CLCN5: variants seen among roughly 807,000 people sequenced by gnomAD.
The protein encoded by CLCN5 is Cl-/H+ antiporter 5.
A neutral mutation model predicts 54.0 loss-of-function variants in CLCN5; 17 were observed. The observed-to-expected ratio is 0.31, with a 90% CI of 0.22 to 0.47. The LOEUF (loss-of-function observed/expected upper bound fraction) is 0.47, where lower values mean the gene tolerates loss of function less well. CLCN5 is among the 20% of genes least tolerant of loss of function. The pLI, the probability that CLCN5 is intolerant of heterozygous loss-of-function variation, is 1.00. For missense variants in CLCN5, 448 were observed against 646.7 expected, an observed-to-expected ratio of 0.69 and a Z score of 3.33; for synonymous variants, 222 against 233.0, an observed-to-expected ratio of 0.95 and a Z score of 0.43.
chrX:49,969,686 A>G (rs1928104130), intron 3 of CLCN5, among the ~76,000 whole-genome samples: 1 of 112,045 alleles, frequency 8.9e-6, no homozygotes, highest in African/African-American at 3.2e-5. Flanking sequence ...GGCCCAGAAT[A>G]TGGTATATCT....
intron 9 of CLCN5, chrX:50,085,601 C>A (rs781811974): frequency 1.7e-4 from 40 of 236,070 alleles, no homozygotes; most frequent in Non-Finnish European, 2.5e-4. Context: ...AAAAGCATTC[C>A]TTTGCAAAGT....
chrX:49,964,227 T>A (rs1208831983), intron 3 of CLCN5, among the ~76,000 whole-genome samples: 2 of 112,494 alleles, frequency 1.8e-5, no homozygotes, highest in Non-Finnish European at 3.8e-5. Flanking sequence ...CTTCATGAAT[T>A]CTATCCAATT....
At chrX:49,998,156 C>G (rs782703737) in intron 3 of CLCN5, among the ~76,000 whole-genome samples, 23 of 111,227 alleles carry the variant, frequency 2.1e-4, no homozygotes, top group Non-Finnish European at 4.1e-4. Flanking sequence ...GAATCAGGGA[C>G]TCCCGCCCTC....
intron 3 of CLCN5, among the ~76,000 whole-genome samples, chrX:50,026,630 C>T (rs190776020): frequency 7.2e-5 from 8 of 111,575 alleles, no homozygotes; most frequent in Admixed American, 5.7e-4. Context: ...CCCTCTTTAT[C>T]GCTGATAATT....
At chrX:50,029,889 A>G (rs1270375329) in intron 3 of CLCN5, among the ~76,000 whole-genome samples, 2 of 112,316 alleles carry the variant, frequency 1.8e-5, no homozygotes, top group Admixed American at 9.4e-5. Context: ...TACTGGGTAT[A>G]TACCCAAAGG....
At chrX:50,076,821 A>G (rs112991808) in intron 7 of CLCN5, among the ~76,000 whole-genome samples, 6,812 of 112,212 alleles carry the variant, frequency 0.061, 535 homozygotes, top group African/African-American at 0.21. Context: ...GGCATGAGCC[A>G]CTGTGCTTGG....
intron 4 of CLCN5, among the ~76,000 whole-genome samples, chrX:50,051,011 T>G (rs1178487221): frequency 1.8e-5 from 2 of 111,505 alleles, no homozygotes; most frequent in Non-Finnish European, 3.8e-5. Flanking sequence ...AACCAGAAAT[T>G]TTTAATTTTA....
chrX:50,036,781 C>T (rs918798671), intron 3 of CLCN5, among the ~76,000 whole-genome samples: 1 of 111,965 alleles, frequency 8.9e-6, no homozygotes, highest in South Asian at 3.7e-4. Flanking sequence ...CATTACTTTG[C>T]AAATTTTCTT....
intron 7 of CLCN5, among the ~76,000 whole-genome samples, chrX:50,078,067 G>A (rs896321205): frequency 1.9e-5 from 2 of 106,676 alleles, no homozygotes; most frequent in Admixed American, 1.0e-4. Flanking sequence ...GACTGAGTGA[G>A]GTGTGCCTCA....
chrX:50,035,453 T>C (rs1931949887), intron 3 of CLCN5, among the ~76,000 whole-genome samples: 1 of 111,121 alleles, frequency 9.0e-6, no homozygotes, highest in African/African-American at 3.3e-5. Flanking sequence ...GCCAGAACAA[T>C]GGAAGTGAGA....
At chrX:50,037,519 G>A (rs1384146418) in intron 3 of CLCN5, among the ~76,000 whole-genome samples, 1 of 111,475 alleles carries the variant, frequency 9.0e-6, no homozygotes, top group Admixed American at 9.5e-5. Flanking sequence ...TGCTGTGGGT[G>A]TCAGAGGCTG....
chrX:50,026,477 C>A (rs1557185022), intron 3 of CLCN5, among the ~76,000 whole-genome samples: 1 of 111,564 alleles, frequency 9.0e-6, no homozygotes, highest in Non-Finnish European at 1.9e-5. Context: ...GGTGAAGTCT[C>A]CAACTATAAT....
intron 4 of CLCN5, chrX:50,050,154 A>G (rs1557188169): frequency 9.8e-5 from 11 of 112,258 alleles, no homozygotes. Context: ...TGAAGTTGCT[A>G]CAAACACCTG....
rs59829988 is a variant in CLCN5 at position 49,938,996 on chromosome X, T to C, written c.16+13682T>C. Among the ~76,000 whole-genome samples the C allele has an allele frequency of 7.5e-3, 788 of 105,526 alleles. 11 individuals are homozygous for C. Among genetic ancestry groups the C allele is most frequent in the African/African-American group, 0.026 (739 of 28,960 alleles). The allele number at this position is 105,526 out of a possible 115,157, so 91.6% of individuals were successfully genotyped here. ...ACCGAAGGATATGAACAGACACTTC[T>C]CAAAAGAAAACATTTATGCAGCCAA... is the stretch of plus-strand genomic sequence containing the variant. On this transcript the variant is annotated intron_variant, in intron 3 of 14. Transcript: ENST00000376091.
intron 4 of CLCN5, among the ~76,000 whole-genome samples, chrX:50,066,718 T>A (rs1482517296): frequency 8.9e-6 from 1 of 112,143 alleles, no homozygotes; most frequent in Non-Finnish European, 1.9e-5. Flanking sequence ...CAGGCTAAAA[T>A]AGCTACTTTC....
chrX:50,075,573 A>G (rs1165594059), intron 6 of CLCN5, among the ~76,000 whole-genome samples: 2 of 111,345 alleles, frequency 1.8e-5, no homozygotes, highest in Non-Finnish European at 3.8e-5. Context: ...CCTTCTATGT[A>G]GAAATTCCAC....
At chrX:49,931,796 G>A (rs1261559300) in intron 3 of CLCN5, among the ~76,000 whole-genome samples, 5 of 104,830 alleles carry the variant, frequency 4.8e-5, no homozygotes, top group Admixed American at 2.1e-4. Context: ...CACACCTGTC[G>A]TCCCAGCTAC....
intron 3 of CLCN5, among the ~76,000 whole-genome samples, chrX:49,975,701 G>T (rs1260342220): frequency 9.0e-6 from 1 of 111,522 alleles, no homozygotes; most frequent in Non-Finnish European, 1.9e-5. Flanking sequence ...TCTATTAATT[G>T]TGAGTATTCT....
intron 4 of CLCN5, among the ~76,000 whole-genome samples, chrX:50,058,154 C>A (rs1275427976): frequency 9.0e-6 from 1 of 111,636 alleles, no homozygotes; most frequent in African/African-American, 3.3e-5. Context: ...GGACTATTTT[C>A]AAGTCCTGTG....
Sources: gnomAD v4.1 joint callset for allele counts (sites outside exome capture counted in the v4.1 genomes callset) on GRCh38, gnomAD v4.1.1 for gene constraint, MANE v1.5 for transcripts, NCBI Gene and HGNC (gene_info 2026-07-23, HGNC 2026-07-21) for gene names.